ERC1: variants seen among roughly 807,000 people sequenced by gnomAD.
ERC1 encodes ELKS/RAB6-interacting/CAST family member 1.
A neutral mutation model predicts 132.0 loss-of-function variants in ERC1; 56 were observed. That is an observed-to-expected ratio of 0.42 (90% CI 0.34 to 0.53). The LOEUF is 0.53. Among genes scored for constraint, ERC1 ranks in the 20% least tolerant of loss-of-function variants. ERC1 has a pLI of 0.03. For missense variants in ERC1, 1,202 were observed against 1,349.9 expected, an observed-to-expected ratio of 0.89 and a Z score of 1.72; for synonymous variants, 478 against 476.1, an observed-to-expected ratio of 1.00 and a Z score of -0.05.
At chr12:1,448,354 A>G (rs1241442172) in intron 18 of ERC1, among the ~76,000 whole-genome samples, 7 of 152,214 alleles carry the variant, frequency 4.6e-5, no homozygotes, top group African/African-American at 1.4e-4. Context: ...AACCCCTACT[A>G]TAAGCTTCTT....
intron 17 of ERC1, among the ~76,000 whole-genome samples, chr12:1,418,322 G>T (rs2154398147): frequency 6.6e-6 from 1 of 152,262 alleles, no homozygotes; most frequent in South Asian, 2.1e-4. Flanking sequence ...AAGCTATAAA[G>T]AATTTTCTGA....
intron 16 of ERC1, among the ~76,000 whole-genome samples, chr12:1,404,384 C>CA (rs35010065): frequency 0.13 from 15,792 of 123,920 alleles, 850 homozygotes; most frequent in Middle Eastern, 0.22. Context: ...CTACTGTTTG[C>CA]AAAAAAAAAA....
chr12:1,196,935 CACACACACACACACACACACACACACAT>C lies in ERC1; in HGVS notation c.2351+6885_2351+6912del, dbSNP rs1566214305. Among the ~76,000 whole-genome samples the C allele has an allele frequency of 2.4e-4, 10 of 42,030 alleles. No homozygotes were observed. The African/African-American group carries it at 2.4e-3, about 10-fold the overall frequency. 27.6% of individuals were successfully genotyped at this position (42,030 alleles called of 152,430 possible). A position where few individuals can be genotyped will look rare whatever the true frequency, so the allele number is the denominator to read the frequency against. On this transcript the variant is annotated intron_variant, in intron 12 of 18. Coordinates refer to ENST00000360905, the MANE Select transcript of ERC1 (RefSeq NM_178040.4). ...ACACACACACACACACACACACACA[CACACACACACACACACACACACACACAT>C]ATATATATATATATTTTTTTTTTTT...
At chr12:1,073,861 A>T (rs1024842271) in intron 2 of ERC1, among the ~76,000 whole-genome samples, 1 of 151,656 alleles carries the variant, frequency 6.6e-6, no homozygotes, top group African/African-American at 2.4e-5. Context: ...GACCAATGTG[A>T]TAGGAATTCC....
At chr12:1,126,979 T>A (rs1948232060) in intron 7 of ERC1, among the ~76,000 whole-genome samples, 2 of 84,334 alleles carry the variant, frequency 2.4e-5, no homozygotes, top group African/African-American at 5.1e-5. Context: ...AGAGTGAGAT[T>A]CTGTCTCAAA....
At chr12:1,336,355 A>C (rs2083311612) in intron 15 of ERC1, among the ~76,000 whole-genome samples, 1 of 151,742 alleles carries the variant, frequency 6.6e-6, no homozygotes, top group African/African-American at 2.4e-5. Flanking sequence ...TGTTATATTG[A>C]GATCTTTCTA....
At chr12:1,486,546 T>C (rs2094219131) in intron 18 of ERC1, among the ~76,000 whole-genome samples, 1 of 152,126 alleles carries the variant, frequency 6.6e-6, no homozygotes, top group Admixed American at 6.6e-5. Flanking sequence ...TGCCTCAGCC[T>C]CCCGAGTAGC....
chr12:1,448,379 G>T (rs955995554), intron 18 of ERC1, among the ~76,000 whole-genome samples: 1 of 152,162 alleles, frequency 6.6e-6, no homozygotes, highest in Non-Finnish European at 1.5e-5. Flanking sequence ...GCTTCTAAAG[G>T]TTGGTGGAGA....
chr12:1,460,766 C>G (rs1326120200), intron 18 of ERC1, among the ~76,000 whole-genome samples: 1 of 150,974 alleles, frequency 6.6e-6, no homozygotes, highest in African/African-American at 2.4e-5. Context: ...TCTAGTATAA[C>G]AGGGATGTAT....
At chr12:1,423,308 C>A (rs2092494962) in intron 17 of ERC1, among the ~76,000 whole-genome samples, 1 of 152,180 alleles carries the variant, frequency 6.6e-6, no homozygotes, top group East Asian at 1.9e-4. Context: ...TTCATCAGAA[C>A]CCCCCACCAC....
chr12:1,422,910 G>A lies in ERC1; in HGVS notation c.3024+14663G>A, dbSNP rs1199918132. On this transcript the variant is annotated intron_variant, in intron 17 of 18. Coordinates refer to ENST00000360905, the MANE Select transcript of ERC1 (RefSeq NM_178040.4). ...AAATAATAGCGATTTTGATTGGTGT[G>A]TGATGGTATCTCATGGTTTGCATTT... 2.0e-5 allele frequency among the ~76,000 whole-genome samples: 3 copies of A among 152,200 alleles called. No individual in the cohort carries two copies. In the South Asian group the frequency reaches 6.2e-4, roughly 31 times the overall value.
At chr12:1,258,478 C>T (rs1397955362) in intron 13 of ERC1, among the ~76,000 whole-genome samples, 1 of 152,224 alleles carries the variant, frequency 6.6e-6, no homozygotes, top group Admixed American at 6.5e-5. Context: ...AGCACATCCC[C>T]TTACTTCATC....
chr12:1,055,010 G>A (rs539749304), intron 2 of ERC1, among the ~76,000 whole-genome samples: 30 of 152,236 alleles, frequency 2.0e-4, no homozygotes, highest in South Asian at 4.1e-4. Context: ...GCTGTGAGCA[G>A]TGCCTCTACA....
intron 12 of ERC1, among the ~76,000 whole-genome samples, chr12:1,220,373 T>C (rs1417647211): frequency 6.6e-6 from 1 of 152,224 alleles, no homozygotes. Flanking sequence ...TGGCAGGCAT[T>C]CAGTAAATAT....
At chr12:1,019,159 T>C (rs544434302) in intron 1 of ERC1, among the ~76,000 whole-genome samples, 26 of 152,368 alleles carry the variant, frequency 1.7e-4, no homozygotes, top group African/African-American at 5.5e-4. Flanking sequence ...CGTCTGGCTC[T>C]GTCTCCCAGG....
intron 11 of ERC1, among the ~76,000 whole-genome samples, chr12:1,187,777 T>C (rs1311403698): frequency 6.6e-6 from 1 of 152,224 alleles, no homozygotes; most frequent in Non-Finnish European, 1.5e-5. Flanking sequence ...TACCACACTG[T>C]GCACTGAGGA....
chr12:1,140,420 C>G (rs1949755804), intron 7 of ERC1, among the ~76,000 whole-genome samples: 1 of 152,140 alleles, frequency 6.6e-6, no homozygotes, highest in South Asian at 2.1e-4. Flanking sequence ...TATACTTATG[C>G]TTACTGGTTG....
At chr12:1,329,495 G>A (rs1483734088) in intron 15 of ERC1, among the ~76,000 whole-genome samples, 2 of 151,172 alleles carry the variant, frequency 1.3e-5, no homozygotes, top group African/African-American at 2.5e-5. Flanking sequence ...ATTGTTTTAC[G>A]TTTTCCATGT....
At chr12:1,262,334 A>G (rs952447296) in intron 13 of ERC1, among the ~76,000 whole-genome samples, 5 of 152,108 alleles carry the variant, frequency 3.3e-5, no homozygotes, top group African/African-American at 1.2e-4. Flanking sequence ...TGACTTTCTG[A>G]TAGATCAACA....
Sources: allele counts gnomAD v4.1 joint callset (sites outside exome capture counted in the v4.1 genomes callset), GRCh38; gene constraint gnomAD v4.1.1; transcripts MANE v1.5; gene names NCBI Gene and HGNC (gene_info 2026-07-23, HGNC 2026-07-21).